Variants in ODAD4 observed in about 807,000 individuals in gnomAD.
ODAD4 encodes outer dynein arm docking complex subunit 4.
A neutral mutation model predicts 51.8 loss-of-function variants in ODAD4; 49 were observed. That is an observed-to-expected ratio of 0.95 (90% CI 0.75 to 1.20). The LOEUF (loss-of-function observed/expected upper bound fraction) is 1.20, where lower values mean the gene tolerates loss of function less well. Ranked by LOEUF, ODAD4 falls within the 50% of genes most tolerant of loss-of-function variation. ODAD4 has a pLI of 0.00. For missense variants in ODAD4, 590 were observed against 586.5 expected (o/e 1.01, Z -0.06); for synonymous variants, 235 against 221.3 (o/e 1.06, Z -0.55).
At chr17:41,932,542 TTTTG>T (rs1209391318) in intron 1 of ODAD4, among the ~76,000 whole-genome samples, 4 of 151,828 alleles carry the variant, frequency 2.6e-5, no homozygotes, top group Admixed American at 1.3e-4. Context: ...GTTGTTTTTT[TTTTG>T]TTTGTTTGTT....
At chr17:41,931,898 G>A (rs1031182649) in intron 1 of ODAD4, among the ~76,000 whole-genome samples, 1 of 121,570 alleles carries the variant, frequency 8.2e-6, no homozygotes, top group Admixed American at 8.9e-5. Flanking sequence ...TAAGGGGATT[G>A]GGTGATGGTT....
Position 41,965,433 on chromosome 17 carries a change from A to C in ODAD4, c.1969A>C (p.Ile657Leu), listed in dbSNP as rs377453536. 4 of 775,576 alleles carry C rather than the reference A, an allele frequency of 5.2e-6. No homozygotes were observed. In the South Asian group the frequency reaches 5.5e-5, roughly 11 times the overall value. 48.0% of individuals were successfully genotyped at this position (775,576 alleles called of 1,614,324 possible). Residue 657 changes from isoleucine to leucine, a missense_variant, in exon 12 of 12, where the codon ATA (isoleucine) becomes CTA (leucine). This residue lies in a region of ODAD4 where 226 missense variants were observed against 162.7 expected (regional missense o/e 1.39). Transcript: ENST00000377540. ...EELGKTQFGE[I>L]GETKKTGNEM... Reference sequence around the variant, plus strand: ...ACTGGGAAAAACACAATTTGGAGAAATAGGAGAAACGAAAAAAACAGGAAA... The same window carrying C: ...ACTGGGAAAAACACAATTTGGAGAACTAGGAGAAACGAAAAAAACAGGAAA...
intron 10 of ODAD4, 40 bp from the exon 11 acceptor site, chr17:41,961,342 G>T: frequency 2.8e-6 from 2 of 721,890 alleles, no homozygotes; most frequent in South Asian, 3.0e-5. Context: ...AATGGTGTAG[G>T]TGCCAAACAC....
In ODAD4 at chr17:41,955,320, G is replaced by GAGCC. The variant is rs2050715865; in HGVS notation, c.1443+4_1443+7dup. ...AGGCGCAGCAGGCCATCATCAGTGTGAGCCTTTCCACCCGCCGGGCTTCGG... is the reference window on the plus strand; with the variant it reads ...AGGCGCAGCAGGCCATCATCAGTGTGAGCCAGCCTTTCCACCCGCCGGGCTTCGG... On this transcript the variant is annotated splice_donor_region_variant and intron_variant, in intron 10 of 11. Coordinates refer to ENST00000377540, the MANE Select transcript of ODAD4 (RefSeq NM_031421.5). 1 of 775,620 alleles carries GAGCC rather than the reference G, an allele frequency of 1.3e-6. No individual in the cohort carries two copies. Among genetic ancestry groups the GAGCC allele is most frequent in the Admixed American group, 1.7e-5 (1 of 58,510 alleles). 48.0% of individuals were successfully genotyped at this position (775,620 alleles called of 1,614,324 possible). A position where few individuals can be genotyped will look rare whatever the true frequency, so the allele number is the denominator to read the frequency against.
rs1482493085 is a variant in ODAD4 at position 41,947,535 on chromosome 17, G to A, written c.1146-1618G>A. Among the ~76,000 whole-genome samples the A allele has an allele frequency of 2.0e-5, 3 of 151,496 alleles. No individual in the cohort carries two copies. The East Asian group carries it at 5.9e-4, about 30-fold the overall frequency. Reference sequence around the variant, plus strand: ...GCACAGGCCAGGTGTGGTGGCTCACGCCTGTAATCCCAGCACTTTGGGAGG... The same window carrying A: ...GCACAGGCCAGGTGTGGTGGCTCACACCTGTAATCCCAGCACTTTGGGAGG... On this transcript the variant is annotated intron_variant, in intron 8 of 11. Coordinates refer to ENST00000377540, the MANE Select transcript of ODAD4 (RefSeq NM_031421.5).
chr17:41,960,948 G>GGAAGGCCCTTCT lies in ODAD4; in HGVS notation c.1444-427_1444-416dup, dbSNP rs2050798060. 2.0e-5 allele frequency among the ~76,000 whole-genome samples: 3 copies of GGAAGGCCCTTCT among 152,324 alleles called. No individual in the cohort carries two copies. In the South Asian group the frequency reaches 6.2e-4, roughly 32 times the overall value. ...GAGTTGGGGAAACTGCAGACATTCTGGAAGGCCCTTCTGAAGGCAGGCCAG... is the reference window on the plus strand; with the variant it reads ...GAGTTGGGGAAACTGCAGACATTCTGGAAGGCCCTTCTGAAGGCCCTTCTGAAGGCAGGCCAG... On this transcript the variant is annotated intron_variant, in intron 10 of 11. Transcript: ENST00000377540.
At chr17:41,954,772 C>T (rs1251987040) in intron 9 of ODAD4, among the ~76,000 whole-genome samples, 1 of 151,378 alleles carries the variant, frequency 6.6e-6, no homozygotes, top group African/African-American at 2.4e-5. Flanking sequence ...ATCGCTTGAA[C>T]CTGGGAGGCA....
At chr17:41,938,438 A>G (rs2050456970) in intron 5 of ODAD4, 119 bp from the exon 6 acceptor site, 7 of 801,824 alleles carry the variant, frequency 8.7e-6, no homozygotes, top group Admixed American at 2.5e-5. Flanking sequence ...TCTCTGTTTC[A>G]ACAACTCCAA....
At chr17:41,931,003 C>T (rs1226252755) in intron 1 of ODAD4, among the ~76,000 whole-genome samples, 166 bp downstream of exon 1, 1 of 145,298 alleles carries the variant, frequency 6.9e-6, no homozygotes, top group Non-Finnish European at 1.5e-5. Context: ...AAGTGATTCT[C>T]CTGCCTCCAC....
intron 7 of ODAD4, among the ~76,000 whole-genome samples, chr17:41,943,646 C>T (rs1399721452): frequency 1.3e-5 from 2 of 152,306 alleles, no homozygotes; most frequent in Middle Eastern, 3.4e-3. Context: ...TGTGATTCTT[C>T]AGTTACTTCG....
chr17:41,956,047 C>CTTTTT (rs71357524), intron 10 of ODAD4, among the ~76,000 whole-genome samples: 3 of 124,942 alleles, frequency 2.4e-5, no homozygotes, highest in Admixed American at 8.3e-5. Context: ...CTGTACTTAG[C>CTTTTT]TTTTTTTTTT....
intron 9 of ODAD4, among the ~76,000 whole-genome samples, chr17:41,953,206 G>GC (rs2050682898): frequency 6.6e-6 from 1 of 151,872 alleles, no homozygotes; most frequent in Non-Finnish European, 1.5e-5. Flanking sequence ...GATTACATGC[G>GC]TCCACCACCA....
In ODAD4 at chr17:41,965,700, G is replaced by T; in HGVS notation, c.*217G>T. On this transcript the variant is annotated 3_prime_UTR_variant, in exon 12 of 12. Transcript: ENST00000377540. ...TTCACCCCTGCCCATTCTTGGAAGA[G>T]CATCGTGGAAGAAATGAGAAAGGTG... is the stretch of plus-strand genomic sequence containing the variant. 2 of 508,486 alleles carry T rather than the reference G, an allele frequency of 3.9e-6. No homozygotes were observed. Among genetic ancestry groups the T allele is most frequent in the African/African-American group, 3.9e-5 (2 of 51,458 alleles). The allele number at this position is 508,486 out of a possible 1,614,324, so 31.5% of individuals were successfully genotyped here.
At chr17:41,930,872 C>T (rs1477311360) in intron 1 of ODAD4, 35 bp downstream of exon 1, 8 of 800,402 alleles carry the variant, frequency 1.0e-5, no homozygotes, top group East Asian at 2.9e-5. Context: ...ATCACCCCAT[C>T]ACCCGTCACT....
chr17:41,955,659 T>C (rs1334330466), intron 10 of ODAD4, among the ~76,000 whole-genome samples: 1 of 152,252 alleles, frequency 6.6e-6, no homozygotes, highest in East Asian at 1.9e-4. Flanking sequence ...CTCCTGACTT[T>C]GTGATCCGCC....
intron 7 of ODAD4, among the ~76,000 whole-genome samples, chr17:41,941,806 G>C (rs1486276313): frequency 1.3e-5 from 2 of 150,012 alleles, no homozygotes; most frequent in Non-Finnish European, 1.5e-5. Flanking sequence ...AAGCCTGCCT[G>C]CTGCCCCAGG....
At chr17:41,944,444 A>ACACACACACACACCC (rs1191101800) in intron 7 of ODAD4, among the ~76,000 whole-genome samples, 57 of 19,508 alleles carry the variant, frequency 2.9e-3, no homozygotes, top group African/African-American at 3.5e-3. Flanking sequence ...ACACACACAC[A>ACACACACACACACCC]CCCCCCCGCA....
intron 5 of ODAD4, among the ~76,000 whole-genome samples, chr17:41,937,319 ATTAG>A (rs1446430248): frequency 6.6e-6 from 1 of 152,206 alleles, no homozygotes; most frequent in Non-Finnish European, 1.5e-5. Flanking sequence ...ATCCGAGGAT[ATTAG>A]TTCTAGAATG....
At chr17:41,956,555 T>C (rs1029989180) in intron 10 of ODAD4, among the ~76,000 whole-genome samples, 1 of 146,262 alleles carries the variant, frequency 6.8e-6, no homozygotes, top group Non-Finnish European at 1.5e-5. Context: ...GGACCCAACG[T>C]GTTGCTGGGA....
Sources: gnomAD v4.1 joint callset for allele counts (sites outside exome capture counted in the v4.1 genomes callset) on GRCh38, gnomAD v4.1.1 for gene constraint, gnomAD v4.1.1 regional missense constraint, MANE v1.5 for transcripts, NCBI Gene and HGNC (gene_info 2026-07-23, HGNC 2026-07-21) for gene names.